The following LY75 variants were observed in gnomAD, a reference collection of about 807,000 sequenced individuals.
LY75 encodes the protein C-type lectin domain family 13 member B.
Under a neutral mutation model 231.7 loss-of-function variants are expected in LY75, and 185 were observed. That is an observed-to-expected ratio of 0.80 (90% CI 0.71 to 0.90). The LOEUF is 0.90. LY75 is among the 40% of genes least tolerant of loss of function. LY75 has a pLI of 0.00. For missense variants in LY75, 1,947 were observed against 2,050.2 expected, an observed-to-expected ratio of 0.95 and a Z score of 0.97; for synonymous variants, 668 against 689.0, an observed-to-expected ratio of 0.97 and a Z score of 0.48.
At chr2:159,881,974 T>C (rs907268831) in intron 7 of LY75, 150 bp downstream of exon 7, 4 of 960,482 alleles carry the variant, frequency 4.2e-6, no homozygotes, top group African/African-American at 3.3e-5. Context: ...AGACCAATTG[T>C]AGAACAGTTC....
At chr2:159,877,369 T>G (rs1462780887) in intron 11 of LY75, among the ~76,000 whole-genome samples, 1 of 152,238 alleles carries the variant, frequency 6.6e-6, no homozygotes, top group Non-Finnish European at 1.5e-5. Context: ...GCTGTCTTAT[T>G]CAAAGCCACT....
chr2:159,854,854 A>T lies in LY75; in HGVS notation c.2419+50T>A, dbSNP rs375874203. ...ACTTAAATAATTAACTAAATGCATTAGTGACAAGGTAAAAGCAGCTTTGGT... is the reference window on the plus strand; with the variant it reads ...ACTTAAATAATTAACTAAATGCATTTGTGACAAGGTAAAAGCAGCTTTGGT... On this transcript the variant is annotated intron_variant, in intron 17 of 34. Transcript: ENST00000263636. 2.7e-5 allele frequency: 43 copies of T among 1,605,276 alleles called. No homozygotes were observed. In the African/African-American group the frequency reaches 5.1e-4, roughly 19 times the overall value.
chr2:159,861,340 T>C (rs867699202), intron 14 of LY75, among the ~76,000 whole-genome samples: 6 of 152,174 alleles, frequency 3.9e-5, no homozygotes, highest in African/African-American at 9.7e-5. Context: ...ATATTGAATA[T>C]CTGAGAATAA....
chr2:159,895,058 A>G (rs1475662828), intron 2 of LY75, among the ~76,000 whole-genome samples: 1 of 152,212 alleles, frequency 6.6e-6, no homozygotes, highest in Non-Finnish European at 1.5e-5. Flanking sequence ...TTACCAGGCA[A>G]TTAGGGTTCC....
chr2:159,899,868 T>C (rs534707060), intron 1 of LY75, among the ~76,000 whole-genome samples: 2 of 152,330 alleles, frequency 1.3e-5, no homozygotes, highest in Non-Finnish European at 2.9e-5. Flanking sequence ...CCAGCTCCAC[T>C]GTGGCAGTTT....
At chr2:159,821,969 A>C (rs540237545) in intron 28 of LY75, among the ~76,000 whole-genome samples, 1 of 152,300 alleles carries the variant, frequency 6.6e-6, no homozygotes, top group African/African-American at 2.4e-5. Context: ...AAGGGAAGCC[A>C]TGAGGGACTG....
rs1684469508 is a variant in LY75 at position 159,853,670 on chromosome 2, T to C, written c.2623A>G (p.Ile875Val). Residue 875 changes from isoleucine (I) to valine (V), a missense_variant, in exon 19 of 35, where the codon ATA becomes GTA. By Grantham distance (29) the Ile-to-Val change is conservative. Coordinates refer to ENST00000263636, the MANE Select transcript of LY75 (RefSeq NM_002349.4). ...TCTATTGGCCACTCGCTAATTCTTA[T>C]CCACCACTTCTGTCCATCACCAGAT... ...NISGDGQKWWIRISEWPIDDH... is the reference protein window; with the variant it reads ...NISGDGQKWWVRISEWPIDDH... 3 of 1,613,462 alleles carry C rather than the reference T, an allele frequency of 1.9e-6. 1 individual carries two copies. Among genetic ancestry groups the C allele is most frequent in the Admixed American group, 3.3e-5 (2 of 59,982 alleles).
intron 21 of LY75, among the ~76,000 whole-genome samples, chr2:159,850,773 C>CATATATATATATATATATATATATATAT (rs67887100): frequency 2.3e-3 from 63 of 27,048 alleles, no homozygotes; most frequent in African/African-American, 3.2e-3. Flanking sequence ...TTCAAACTTT[C>CATATATATATATATATATATATATATAT]ATATATATAT....
chr2:159,815,550 C>T lies in LY75; in HGVS notation c.4404G>A (p.Trp1468Ter), dbSNP rs1287524567. 2 of 1,612,432 alleles carry T rather than the reference C, an allele frequency of 1.2e-6. No individual in the cohort carries two copies. The highest frequency in any genetic ancestry group is 8.5e-7 in the Non-Finnish European group (1 of 1,179,684). ...SHDGSESSFE[W>*]SDGSTFDYIP... ...TATAGTCAAATGTACTACCATCAGA[C>T]CATTCAAAACTTGATTCACTTCCCT... The change falls in exon 31 of 35, where the codon TGG becomes TGA. Residue 1468 changes from tryptophan (W) to a stop codon, truncating the protein, a stop_gained. Transcript: ENST00000263636. LOFTEE classifies it high-confidence loss of function.
chr2:159,828,757 G>A (rs1683558361), intron 28 of LY75, among the ~76,000 whole-genome samples: 1 of 152,126 alleles, frequency 6.6e-6, no homozygotes, highest in African/African-American at 2.4e-5. Flanking sequence ...TGTCCATCAA[G>A]TGATACATGG....
intron 1 of LY75, among the ~76,000 whole-genome samples, chr2:159,900,322 A>G (rs949921945): frequency 3.9e-5 from 6 of 152,254 alleles, no homozygotes; most frequent in African/African-American, 1.4e-4. Context: ...CACATCTGTT[A>G]CAACAAACTA....
chr2:159,817,033 C>G lies in LY75; in HGVS notation c.4154-1G>C, dbSNP rs760074021. The G allele has an allele frequency of 3.8e-6, 6 of 1,587,814 alleles. No individual in the cohort carries two copies. The highest frequency in any genetic ancestry group is 4.3e-6 in the Non-Finnish European group (5 of 1,166,000). ...GTATTATATTCTTCTTTGTAGTCAA[C>G]TATAATAATTAAAAGCACTGGTGAT... On this transcript the variant is annotated splice_acceptor_variant, in intron 29 of 34. Coordinates refer to ENST00000263636, the MANE Select transcript of LY75 (RefSeq NM_002349.4). LOFTEE classifies it high-confidence loss of function.
At chr2:159,830,667 G>A (rs1683623706) in intron 28 of LY75, among the ~76,000 whole-genome samples, 2 of 144,876 alleles carry the variant, frequency 1.4e-5, no homozygotes, top group African/African-American at 5.1e-5. Flanking sequence ...TTGGCTCACC[G>A]CAACCTCTGC....
rs1378293613 is a variant in LY75, at chr2:159,807,150, G to T, written c.4823-10C>A. 5.0e-6 allele frequency: 8 copies of T among 1,602,986 alleles called. No individual in the cohort carries two copies. Among genetic ancestry groups the T allele is most frequent in the African/African-American group, 1.3e-5 (1 of 74,418 alleles). ...CAACTCCAAGACTGGTCTGAAGAAA[G>T]AAATTAAATACAACTATGTCTACTG... On this transcript the variant is annotated splice_polypyrimidine_tract_variant and intron_variant, in intron 33 of 34. Coordinates refer to ENST00000263636, the MANE Select transcript of LY75 (RefSeq NM_002349.4).
chr2:159,874,182 A>G (rs1326035795), intron 12 of LY75, among the ~76,000 whole-genome samples: 3 of 121,088 alleles, frequency 2.5e-5, no homozygotes, highest in African/African-American at 6.2e-5. Context: ...TATTGTAAAT[A>G]TATATAAATA....
At chr2:159,807,684 C>CA in intron 33 of LY75, 1 of 981,870 alleles carries the variant, frequency 1.0e-6, no homozygotes, top group Non-Finnish European at 1.2e-6. Context: ...TTTAGATGGA[C>CA]AACTTGGAAT....
chr2:159,892,985 T>G (rs530712935), intron 3 of LY75, among the ~76,000 whole-genome samples: 56 of 152,316 alleles, frequency 3.7e-4, no homozygotes, highest in Non-Finnish European at 7.1e-4. Flanking sequence ...GTTTTTCAAC[T>G]GATCTCTTTC....
chr2:159,822,397 G>A (rs996693445), intron 28 of LY75, among the ~76,000 whole-genome samples: 9 of 152,216 alleles, frequency 5.9e-5, no homozygotes, highest in Non-Finnish European at 1.3e-4. Flanking sequence ...GCAGTTTTAC[G>A]CTCCCAGTGT....
At chr2:159,819,334 C>A (rs1208861474) in intron 29 of LY75, among the ~76,000 whole-genome samples, 1 of 152,190 alleles carries the variant, frequency 6.6e-6, no homozygotes, top group African/African-American at 2.4e-5. Context: ...TCCCCAAACA[C>A]TTTCTTATTT....
Sources: allele counts gnomAD v4.1 joint callset (sites outside exome capture counted in the v4.1 genomes callset), GRCh38; gene constraint gnomAD v4.1.1; transcripts MANE v1.5; gene names NCBI Gene and HGNC (gene_info 2026-07-23, HGNC 2026-07-21).